Variants in CUX2 observed in about 807,000 individuals in gnomAD.
CUX2 encodes cut like homeobox 2, also known as homeobox protein cut-like 2.
In CUX2, 40 loss-of-function variants were observed where a neutral mutation model predicts 144.8. The ratio of observed to expected loss-of-function variants is 0.28; its 90% confidence interval spans 0.21 to 0.36. The LOEUF (loss-of-function observed/expected upper bound fraction) is 0.36, where lower values mean the gene tolerates loss of function less well. Among genes scored for constraint, CUX2 ranks in the 10% least tolerant of loss-of-function variants. CUX2 has a pLI of 1.00. For missense variants in CUX2, 1,615 were observed against 1,994.0 expected (o/e 0.81, Z 3.62); for synonymous variants, 827 against 875.6 (o/e 0.94, Z 0.98).
intron 1 of CUX2, chr12:111,099,852 G>C (rs1448619041): frequency 1.2e-5 from 5 of 422,298 alleles, no homozygotes; most frequent in Admixed American, 9.9e-5. Context: ...TAGGAGGCGA[G>C]GGACCGTCTG....
In CUX2 at chr12:111,213,317, C is replaced by T. The variant is rs543817558; in HGVS notation, c.64-883C>T. The stretch of plus-strand genomic sequence containing the variant: ...CCATGACAACTCATGGTGAATTGTA[C>T]TCCCCTTGTGAAACTGCCACCATTA... On this transcript the variant is annotated intron_variant, in intron 1 of 21. Coordinates refer to ENST00000261726, the MANE Select transcript of CUX2 (RefSeq NM_015267.4). Among the ~76,000 whole-genome samples, 31 of 152,316 alleles carry T rather than the reference C, an allele frequency of 2.0e-4. 1 individual carries two copies. In the East Asian group the frequency reaches 5.8e-3, roughly 28 times the overall value.
At chr12:111,116,864 A>C (rs560697847) in intron 1 of CUX2, among the ~76,000 whole-genome samples, 1 of 152,322 alleles carries the variant, frequency 6.6e-6, no homozygotes, top group South Asian at 2.1e-4. Flanking sequence ...GCACTATCTC[A>C]TTTTAGTTGG....
intron 1 of CUX2, among the ~76,000 whole-genome samples, chr12:111,181,026 G>T (rs1005875578): frequency 6.6e-6 from 1 of 152,176 alleles, no homozygotes; most frequent in Non-Finnish European, 1.5e-5. Flanking sequence ...TATCGACTGC[G>T]CCGGAATAGT....
intron 1 of CUX2, among the ~76,000 whole-genome samples, chr12:111,088,760 G>C (rs908790581): frequency 6.6e-6 from 1 of 152,160 alleles, no homozygotes; most frequent in Non-Finnish European, 1.5e-5. Context: ...TCCTCTAGAC[G>C]TGCAACTCTG....
chr12:111,140,914 G>A (rs1876273042), intron 1 of CUX2, among the ~76,000 whole-genome samples: 1 of 152,210 alleles, frequency 6.6e-6, no homozygotes, highest in African/African-American at 2.4e-5. Flanking sequence ...GAAGTGAGCA[G>A]GGAGCCTCAG....
At chr12:111,138,069 G>A (rs371329892) in intron 1 of CUX2, among the ~76,000 whole-genome samples, 1 of 152,304 alleles carries the variant, frequency 6.6e-6, no homozygotes, top group East Asian at 1.9e-4. Context: ...GTCTCCAGCT[G>A]TAGGAACCCC....
chr12:111,198,301 C>A lies in CUX2; in HGVS notation c.64-15899C>A, dbSNP rs993752307. On this transcript the variant is annotated intron_variant, in intron 1 of 21. Coordinates refer to ENST00000261726, the MANE Select transcript of CUX2 (RefSeq NM_015267.4). Reference sequence around the variant, plus strand: ...GACCAGCCTGGCTAACATGGCAAAACCCCATCTCTACTGTAATACAAAAAT... The same window carrying A: ...GACCAGCCTGGCTAACATGGCAAAAACCCATCTCTACTGTAATACAAAAAT... Among the ~76,000 whole-genome samples the A allele has an allele frequency of 3.3e-5, 5 of 152,098 alleles. No homozygotes were observed. In the East Asian group the frequency reaches 7.7e-4, roughly 24 times the overall value.
chr12:111,243,173 G>T (rs1883115682), intron 3 of CUX2, among the ~76,000 whole-genome samples: 1 of 152,068 alleles, frequency 6.6e-6, no homozygotes, highest in South Asian at 2.1e-4. Context: ...AAAGTAAAGA[G>T]AATAAAATAA....
intron 1 of CUX2, among the ~76,000 whole-genome samples, chr12:111,141,904 C>T (rs537254470): frequency 8.5e-5 from 13 of 152,196 alleles, no homozygotes; most frequent in Admixed American, 7.8e-4. Context: ...GGCCAACATG[C>T]GAAACCCTGT....
chr12:111,267,385 G>A (rs996724521), intron 4 of CUX2, among the ~76,000 whole-genome samples: 7 of 152,062 alleles, frequency 4.6e-5, no homozygotes, highest in Non-Finnish European at 1.0e-4. Flanking sequence ...TGTGCTCTGC[G>A]TTTCACACGC....
chr12:111,296,602 T>C (rs1187444819), intron 8 of CUX2, 63 bp downstream of exon 8: 3 of 1,481,686 alleles, frequency 2.0e-6, no homozygotes, highest in African/African-American at 1.4e-5. Flanking sequence ...GCCTCCTCCT[T>C]CTGACCCTCC....
At chr12:111,345,798 G>A (rs2136455742) in intron 21 of CUX2, among the ~76,000 whole-genome samples, 2 of 150,008 alleles carry the variant, frequency 1.3e-5, no homozygotes, top group South Asian at 4.2e-4. Flanking sequence ...AATTACTTTT[G>A]CACCAACCTA....
chr12:111,161,361 G>A (rs1194929542), intron 1 of CUX2, among the ~76,000 whole-genome samples: 3 of 151,752 alleles, frequency 2.0e-5, no homozygotes, highest in Non-Finnish European at 4.4e-5. Context: ...TCAGAACACT[G>A]GGTCACCTCC....
rs1291734460 is a variant in CUX2, at chr12:111,341,794, C to T, written c.3400C>T (p.Arg1134Cys). Residue 1134 changes from arginine (R) to cysteine (C), a missense_variant, in exon 21 of 22, where the codon CGC becomes TGC. Around this residue, in one of 12 missense-constraint regions of CUX2, gnomAD observed 131 missense variants for 223.1 expected, o/e 0.59. Coordinates refer to ENST00000261726, the MANE Select transcript of CUX2 (RefSeq NM_015267.4). Reference protein sequence around the residue: ...KLEKKAYLKRRYGLISTGSDS... With the variant: ...KLEKKAYLKRCYGLISTGSDS... ...CCTGGCCCCAGCCTACCTGAAACGTCGCTATGGCCTCATCAGCACCGGCTC... is the reference window on the plus strand; with the variant it reads ...CCTGGCCCCAGCCTACCTGAAACGTTGCTATGGCCTCATCAGCACCGGCTC... The T allele has an allele frequency of 1.9e-6, 3 of 1,597,014 alleles. No individual in the cohort carries two copies. Among genetic ancestry groups the T allele is most frequent in the Non-Finnish European group, 2.6e-6 (3 of 1,172,760 alleles).
intron 4 of CUX2, among the ~76,000 whole-genome samples, chr12:111,280,361 G>A (rs1158820468): frequency 6.6e-6 from 1 of 152,166 alleles, no homozygotes; most frequent in African/African-American, 2.4e-5. Context: ...TCGAAGTCAT[G>A]CAGCTGCAAG....
At position 111,060,692 on chromosome 12, in the gene CUX2, C is replaced by T. The variant is rs200982130; in HGVS notation, c.63+26452C>T. ...TCTATCTGGTTTGCGGATACTGAGA[C>T]GAGCAAATTCCCTTTCCCTCAGGCC... On this transcript the variant is annotated intron_variant, in intron 1 of 21. Coordinates refer to ENST00000261726, the MANE Select transcript of CUX2 (RefSeq NM_015267.4). 1.8e-4 allele frequency among the ~76,000 whole-genome samples: 27 copies of T among 152,330 alleles called. 1 individual carries two copies. In the East Asian group the frequency reaches 4.4e-3, roughly 25 times the overall value.
chr12:111,127,617 C>A (rs1189366689), intron 1 of CUX2, among the ~76,000 whole-genome samples: 2 of 152,196 alleles, frequency 1.3e-5, no homozygotes, highest in African/African-American at 2.4e-5. Flanking sequence ...GGAACTAAGA[C>A]CTCTAGACCA....
intron 1 of CUX2, among the ~76,000 whole-genome samples, chr12:111,041,584 A>C (rs1869743338): frequency 6.6e-6 from 1 of 152,252 alleles, no homozygotes; most frequent in Admixed American, 6.5e-5. Context: ...AGTTGTCAGC[A>C]TTTAAAACAC....
At chr12:111,107,204 C>A (rs901954497) in intron 1 of CUX2, among the ~76,000 whole-genome samples, 1 of 152,184 alleles carries the variant, frequency 6.6e-6, no homozygotes, top group Non-Finnish European at 1.5e-5. Context: ...TGGGCCATGT[C>A]CCTTTGAATC....
Sources: gnomAD v4.1 joint callset for allele counts (sites outside exome capture counted in the v4.1 genomes callset) on GRCh38, gnomAD v4.1.1 for gene constraint, gnomAD v4.1.1 regional missense constraint, MANE v1.5 for transcripts, NCBI Gene and HGNC (gene_info 2026-07-23, HGNC 2026-07-21) for gene names.